Variants in EAF1 observed in about 807,000 individuals in gnomAD.
EAF1 encodes ELL-associated factor 1.
A neutral mutation model predicts 26.6 loss-of-function variants in EAF1; 19 were observed. The observed-to-expected ratio is 0.71, with a 90% CI of 0.50 to 1.05. The LOEUF (loss-of-function observed/expected upper bound fraction) is 1.05. Ranked by LOEUF, EAF1 falls within the 50% of genes least tolerant of loss-of-function variation. The pLI is 0.00. For missense variants in EAF1, 260 were observed against 335.5 expected (o/e 0.78, Z 1.76); for synonymous variants, 102 against 120.6 (o/e 0.85, Z 1.01).
intron 2 of EAF1, 21 bp from the exon 3 acceptor site, chr3:15,432,066 T>G (rs2061805115): frequency 1.2e-6 from 2 of 1,611,592 alleles, no homozygotes; most frequent in African/African-American, 2.7e-5. Context: ...TTTGATCATC[T>G]TATACTTTTG....
At chr3:15,435,158 A>C (rs2061827642) in intron 4 of EAF1, among the ~76,000 whole-genome samples, 1 of 152,210 alleles carries the variant, frequency 6.6e-6, no homozygotes, top group African/African-American at 2.4e-5. Flanking sequence ...AAAGTGTGTA[A>C]ATATGAAAGA....
At chr3:15,431,768 T>C (rs1305279993) in intron 2 of EAF1, among the ~76,000 whole-genome samples, 1 of 152,246 alleles carries the variant, frequency 6.6e-6, no homozygotes, top group African/African-American at 2.4e-5. Flanking sequence ...ACAGTTTTAC[T>C]ATACAGAGTG....
chr3:15,430,034 A>T, intron 2 of EAF1, 27 bp downstream of exon 2: 1 of 1,372,166 alleles, frequency 7.3e-7, no homozygotes. Flanking sequence ...TTTTTTTTTA[A>T]TGTAAGATCA....
chr3:15,430,046 A>G (rs2061793836), intron 2 of EAF1, 39 bp downstream of exon 2: 2 of 1,328,988 alleles, frequency 1.5e-6, no homozygotes, highest in African/African-American at 1.5e-5. Flanking sequence ...GTAAGATCAC[A>G]ATGAATCTTT....
At chr3:15,429,815 T>G in intron 1 of EAF1, 98 bp from the exon 2 acceptor site, 1 of 755,648 alleles carries the variant, frequency 1.3e-6, no homozygotes, top group Non-Finnish European at 2.3e-6. Flanking sequence ...TATTTTCCAT[T>G]CATCTGAGTA....
At chr3:15,434,293 A>G in intron 3 of EAF1, 55 bp from the exon 4 acceptor site, 1 of 1,590,096 alleles carries the variant, frequency 6.3e-7, no homozygotes. Context: ...CACCTGGACA[A>G]ATTTGAGAAC....
rs539822287 is a variant in EAF1 at position 15,427,711 on chromosome 3, A to C, written c.-69A>C. The C allele has an allele frequency of 6.7e-7, 1 of 1,485,932 alleles. No homozygotes were observed. Among genetic ancestry groups the C allele is most frequent in the African/African-American group, 1.4e-5 (1 of 71,720 alleles). The allele number at this position is 1,485,932 out of a possible 1,614,324, so 92.0% of individuals were successfully genotyped here. A position where few individuals can be genotyped will look rare whatever the true frequency, so the allele number is the denominator to read the frequency against. ...CGGAAGCACAGTCCTCCCAGACGCC[A>C]GCGCCAGAAGCTCGGATCGCGGCTG... On this transcript the variant is annotated 5_prime_UTR_variant, in exon 1 of 6. Coordinates refer to ENST00000396842, the MANE Select transcript of EAF1 (RefSeq NM_033083.7).
rs186524078 is a variant in EAF1, at chr3:15,441,049, G to C, written c.*1894G>C. 2 of 152,628 alleles carry C rather than the reference G, an allele frequency of 1.3e-5. No individual in the cohort carries two copies. Among genetic ancestry groups the C allele is most frequent in the East Asian group, 3.9e-4 (2 of 5,188 alleles). The allele number at this position is 152,628 out of a possible 1,614,324, so 9.5% of individuals were successfully genotyped here. A position where few individuals can be genotyped will look rare whatever the true frequency, so the allele number is the denominator to read the frequency against. Reference sequence around the variant, plus strand: ...CCTTGATTTCTGTAGACAGAACTATGGTTTTTGGCATGTTGGGTCAAGACG... The same window carrying C: ...CCTTGATTTCTGTAGACAGAACTATCGTTTTTGGCATGTTGGGTCAAGACG... On this transcript the variant is annotated 3_prime_UTR_variant, in exon 6 of 6. Transcript: ENST00000396842.
intron 1 of EAF1, 125 bp from the exon 2 acceptor site, chr3:15,429,786 AAG>A: frequency 1.5e-6 from 1 of 685,400 alleles, no homozygotes; most frequent in East Asian, 2.8e-5. Context: ...ACAGTTTTTT[AAG>A]AATTCTAAAT....
At position 15,432,128 on chromosome 3, in the gene EAF1, G is replaced by C. The variant is rs757358934; in HGVS notation, c.240G>C (p.Arg80=). 1.2e-6 allele frequency: 2 copies of C among 1,614,120 alleles called. No individual in the cohort carries two copies. The highest frequency in any genetic ancestry group is 8.5e-7 in the Non-Finnish European group (1 of 1,180,000). The change falls in exon 3 of 6, where the codon CGG becomes CGC. Residue 80 remains arginine, a synonymous_variant. Coordinates refer to ENST00000396842, the MANE Select transcript of EAF1 (RefSeq NM_033083.7). The part of the protein sequence containing the change: ...PPMTVFKGNK[R]PYQKDCVLII... ...TGACTGTGTTCAAGGGGAACAAACG[G>C]CCTTACCAGAAAGACTGTGTGCTTA...
rs561863801 is a variant in EAF1 at position 15,431,385 on chromosome 3, TAGCTGGCAGAAGCCTTGTTAA to T, written c.199-677_199-657del. 2.3e-3 allele frequency among the ~76,000 whole-genome samples: 356 copies of T among 152,264 alleles called. 1 individual carries two copies. The highest frequency in any genetic ancestry group is 7.2e-3 in the African/African-American group (298 of 41,552). Reference sequence around the variant, plus strand: ...TCATTTAAAGAGAGGGGGCAGGATATAGCTGGCAGAAGCCTTGTTAAAGCTGGCAGAAGCCTTGTTAAAGCC... The same window carrying T: ...TCATTTAAAGAGAGGGGGCAGGATATAGCTGGCAGAAGCCTTGTTAAAGCC... On this transcript the variant is annotated intron_variant, in intron 2 of 5. Transcript: ENST00000396842.
At chr3:15,433,807 A>G (rs1485109252) in intron 3 of EAF1, among the ~76,000 whole-genome samples, 1 of 152,220 alleles carries the variant, frequency 6.6e-6, no homozygotes, top group Admixed American at 6.5e-5. Flanking sequence ...TTAAGATTCT[A>G]ATGGAGCATG....
At chr3:15,436,669 G>A in intron 5 of EAF1, 94 bp downstream of exon 5, 1 of 1,078,182 alleles carries the variant, frequency 9.3e-7, no homozygotes, top group Non-Finnish European at 1.3e-6. Context: ...AGATGTTTAA[G>A]GCATGGGAGA....
chr3:15,427,776 G>T lies in EAF1; in HGVS notation c.-4G>T. ...CGATCTGGGTGCGAGGCAGGTGCGGGGCCATGAATGGGACCGCAAACCCGC... is the reference window on the plus strand; with the variant it reads ...CGATCTGGGTGCGAGGCAGGTGCGGTGCCATGAATGGGACCGCAAACCCGC... On this transcript the variant is annotated 5_prime_UTR_variant, in exon 1 of 6. Coordinates refer to ENST00000396842, the MANE Select transcript of EAF1 (RefSeq NM_033083.7). 6.4e-7 allele frequency: 1 copy of T among 1,551,122 alleles called. No individual in the cohort carries two copies. The highest frequency in any genetic ancestry group is 2.4e-5 in the East Asian group (1 of 40,876).
Position 15,430,022 on chromosome 3 carries a change from T to A in EAF1, c.198+15T>A, listed in dbSNP as rs753924480. On this transcript the variant is annotated intron_variant, in intron 2 of 5. Transcript: ENST00000396842. ...CACATATCCCTGTGAGTTTATTTCATTTTTTTTTTTAATGTAAGATCACAA... is the reference window on the plus strand; with the variant it reads ...CACATATCCCTGTGAGTTTATTTCAATTTTTTTTTTAATGTAAGATCACAA... 45 of 385,966 alleles carry A rather than the reference T, an allele frequency of 1.2e-4. 1 individual carries two copies. The highest frequency in any genetic ancestry group is 1.1e-3 in the South Asian group (15 of 14,098). The allele number at this position is 385,966 out of a possible 1,614,324, so 23.9% of individuals were successfully genotyped here. A position where few individuals can be genotyped will look rare whatever the true frequency, so the allele number is the denominator to read the frequency against.
intron 1 of EAF1, among the ~76,000 whole-genome samples, chr3:15,429,349 A>T (rs6766406): frequency 5.9e-5 from 9 of 151,396 alleles, no homozygotes; most frequent in African/African-American, 2.2e-4. Context: ...AAAAAAAAAA[A>T]AAACAAAAAA....
At chr3:15,429,840 T>C in intron 1 of EAF1, 73 bp from the exon 2 acceptor site, 1 of 893,970 alleles carries the variant, frequency 1.1e-6, no homozygotes, top group Non-Finnish European at 1.8e-6. Context: ...TTTTAATTCT[T>C]AAATGGAGAT....
chr3:15,435,117 A>C (rs2061827417), intron 4 of EAF1, among the ~76,000 whole-genome samples: 1 of 152,206 alleles, frequency 6.6e-6, no homozygotes, highest in Non-Finnish European at 1.5e-5. Flanking sequence ...TGCCTTTTAA[A>C]ATACCATAAG....
chr3:15,430,049 G>T (rs2061793865), intron 2 of EAF1, 42 bp downstream of exon 2: 2 of 1,307,978 alleles, frequency 1.5e-6, no homozygotes, highest in East Asian at 2.4e-5. Context: ...AGATCACAAT[G>T]AATCTTTGTC....
Sources: allele counts gnomAD v4.1 joint callset (sites outside exome capture counted in the v4.1 genomes callset), GRCh38; gene constraint gnomAD v4.1.1; transcripts MANE v1.5; gene names NCBI Gene and HGNC (gene_info 2026-07-23, HGNC 2026-07-21).